The following MTSS1 variants were observed in gnomAD, a reference collection of about 807,000 sequenced individuals.
MTSS1 encodes MTSS I-BAR domain containing 1, also known as protein MTSS 1.
A neutral mutation model predicts 79.0 loss-of-function variants in MTSS1; 18 were observed. The ratio of observed to expected loss-of-function variants is 0.23; its 90% CI spans 0.16 to 0.34. The LOEUF is 0.34. MTSS1 is among the 10% of genes least tolerant of loss of function. The pLI is 1.00. For synonymous variants in MTSS1, 341 were observed against 368.6 expected, an observed-to-expected ratio of 0.93 and a Z score of 0.86; for missense variants, 815 against 986.2, an observed-to-expected ratio of 0.83 and a Z score of 2.33.
chr8:124,591,547 C>A (rs1308415523), intron 3 of MTSS1, among the ~76,000 whole-genome samples: 1 of 152,180 alleles, frequency 6.6e-6, no homozygotes. Context: ...ATTGACTTTA[C>A]AACCTATAAA....
chr8:124,664,450 A>T (rs1252188229), intron 3 of MTSS1, among the ~76,000 whole-genome samples: 5 of 152,100 alleles, frequency 3.3e-5, no homozygotes, highest in Non-Finnish European at 7.4e-5. Context: ...CAGGTTGCAA[A>T]ATGTCTCTTT....
rs890260113 is a variant in MTSS1 at position 124,708,518 on chromosome 8, G to A, written c.73-4327C>T. On this transcript the variant is annotated intron_variant, in intron 1 of 13. Transcript: ENST00000518547. ...CAGGGTTAGGCAGAAACAGACCAAGGCAAAGGCAGCTGGGTGTTCAGTGCC... is the reference window on the plus strand; with the variant it reads ...CAGGGTTAGGCAGAAACAGACCAAGACAAAGGCAGCTGGGTGTTCAGTGCC... 2.6e-5 allele frequency among the ~76,000 whole-genome samples: 4 copies of A among 152,136 alleles called. No individual in the cohort carries two copies. The East Asian group carries it at 7.7e-4, about 29-fold the overall frequency.
intron 3 of MTSS1, among the ~76,000 whole-genome samples, chr8:124,636,231 G>T (rs998319101): frequency 2.0e-5 from 3 of 152,200 alleles, no homozygotes; most frequent in African/African-American, 7.2e-5. Flanking sequence ...CTAGGTTCAA[G>T]CGATTCTCCT....
chr8:124,672,842 C>T (rs944759951), intron 3 of MTSS1, among the ~76,000 whole-genome samples: 7 of 151,444 alleles, frequency 4.6e-5, no homozygotes, highest in African/African-American at 1.7e-4. Flanking sequence ...CACACACATG[C>T]ATGCACACAC....
chr8:124,585,246 A>T, intron 5 of MTSS1, 85 bp from the exon 6 acceptor site: 1 of 966,312 alleles, frequency 1.0e-6, no homozygotes, highest in Admixed American at 2.0e-5. Flanking sequence ...TACATTTATC[A>T]CAGAAAGCAT....
At chr8:124,636,449 T>C (rs1554687521) in intron 3 of MTSS1, among the ~76,000 whole-genome samples, 1 of 152,206 alleles carries the variant, frequency 6.6e-6, no homozygotes, top group Non-Finnish European at 1.5e-5. Flanking sequence ...GTGGCCTTTC[T>C]CTATTTTCTA....
chr8:124,693,483 G>C (rs953484389), intron 3 of MTSS1, among the ~76,000 whole-genome samples: 2 of 152,150 alleles, frequency 1.3e-5, no homozygotes, highest in Non-Finnish European at 2.9e-5. Flanking sequence ...GGAGACCATG[G>C]CATTTACCAA....
intron 3 of MTSS1, among the ~76,000 whole-genome samples, chr8:124,602,639 A>T (rs1834132329): frequency 6.6e-6 from 1 of 152,156 alleles, no homozygotes; most frequent in South Asian, 2.1e-4. Flanking sequence ...GGACAACTAT[A>T]ACCCAGACCA....
intron 6 of MTSS1, among the ~76,000 whole-genome samples, chr8:124,577,399 G>A (rs982565397): frequency 7.9e-5 from 12 of 152,164 alleles, no homozygotes; most frequent in South Asian, 2.1e-4. Context: ...GCAGGTGCAC[G>A]CCACCACACC....
intron 3 of MTSS1, among the ~76,000 whole-genome samples, chr8:124,609,427 T>A (rs1338056151): frequency 6.6e-6 from 1 of 152,018 alleles, no homozygotes; most frequent in Admixed American, 6.6e-5. Context: ...AAAGAGTCCC[T>A]CGGTTCCCAC....
Position 124,699,668 on chromosome 8 carries a change from C to T in MTSS1, c.135-69G>A, listed in dbSNP as rs188534129. 1.8e-4 allele frequency: 251 copies of T among 1,379,618 alleles called. 3 individuals carry two copies. In the East Asian group the frequency reaches 5.7e-3, roughly 31 times the overall value. The allele number at this position is 1,379,618 out of a possible 1,614,324, so 85.5% of individuals were successfully genotyped here. On this transcript the variant is annotated intron_variant, in intron 2 of 13. Coordinates refer to ENST00000518547, the MANE Select transcript of MTSS1 (RefSeq NM_014751.6). ...CTAGCAAATTCATTACAGCTCAAGGCCTAAAACCTCTGCTAAGGAGTACAT... is the reference window on the plus strand; with the variant it reads ...CTAGCAAATTCATTACAGCTCAAGGTCTAAAACCTCTGCTAAGGAGTACAT...
intron 3 of MTSS1, among the ~76,000 whole-genome samples, chr8:124,646,910 G>A (rs1202458681): frequency 6.6e-6 from 1 of 151,532 alleles, no homozygotes; most frequent in Non-Finnish European, 1.5e-5. Context: ...CTCGAACTCT[G>A]GCCTCAAATG....
chr8:124,610,069 G>A (rs1177290337), intron 3 of MTSS1, among the ~76,000 whole-genome samples: 1 of 152,148 alleles, frequency 6.6e-6, no homozygotes, highest in Non-Finnish European at 1.5e-5. Flanking sequence ...ATATGTAACT[G>A]CTAATCTAAT....
At chr8:124,606,826 G>T (rs915741534) in intron 3 of MTSS1, among the ~76,000 whole-genome samples, 4 of 152,276 alleles carry the variant, frequency 2.6e-5, no homozygotes, top group African/African-American at 9.6e-5. Flanking sequence ...TGTACTGTCA[G>T]GCTTCAGCAG....
intron 10 of MTSS1, among the ~76,000 whole-genome samples, chr8:124,562,016 G>T (rs1029214435): frequency 1.7e-4 from 26 of 152,160 alleles, no homozygotes; most frequent in Admixed American, 3.9e-4. Context: ...CAGCAGGTGG[G>T]GCTGTGGGGC....
chr8:124,633,808 C>A (rs752481741), intron 3 of MTSS1, among the ~76,000 whole-genome samples: 1 of 151,238 alleles, frequency 6.6e-6, no homozygotes, highest in Non-Finnish European at 1.5e-5. Flanking sequence ...AAAAACCCTT[C>A]AGTGCCTTCT....
intron 3 of MTSS1, among the ~76,000 whole-genome samples, chr8:124,639,790 T>C (rs557939866): frequency 6.6e-6 from 1 of 152,326 alleles, no homozygotes; most frequent in East Asian, 1.9e-4. Context: ...TGTAGTGCTA[T>C]GACTATTACT....
chr8:124,641,888 G>A (rs184324998), intron 3 of MTSS1, among the ~76,000 whole-genome samples: 1 of 152,108 alleles, frequency 6.6e-6, no homozygotes, highest in Non-Finnish European at 1.5e-5. Context: ...CTGGCTCACT[G>A]GCAGATAAAT....
rs542570694 is a variant in MTSS1 at position 124,607,618 on chromosome 8, C to A, written c.209-16383G>T. Among the ~76,000 whole-genome samples, 5 of 152,318 alleles carry A rather than the reference C, an allele frequency of 3.3e-5. No homozygotes were observed. In the South Asian group the frequency reaches 8.3e-4, roughly 25 times the overall value. ...CGACCAAAGTGCCCTTGAGTCCCTACAAGCTAGACAAGCCCGAGCCTCCCA... is the reference window on the plus strand; with the variant it reads ...CGACCAAAGTGCCCTTGAGTCCCTAAAAGCTAGACAAGCCCGAGCCTCCCA... On this transcript the variant is annotated intron_variant, in intron 3 of 13. Transcript: ENST00000518547.
Sources: gnomAD v4.1 joint callset for allele counts (sites outside exome capture counted in the v4.1 genomes callset) on GRCh38, gnomAD v4.1.1 for gene constraint, MANE v1.5 for transcripts, NCBI Gene and HGNC (gene_info 2026-07-23, HGNC 2026-07-21) for gene names.